Variants in NR2F1-AS1 observed in about 807,000 individuals in gnomAD.
NR2F1-AS1 encodes NR2F1 regulatory antisense RNA 1.
intron 2 of NR2F1-AS1, among the ~76,000 whole-genome samples, chr5:93,558,362 C>T (rs1752411052): frequency 6.6e-6 from 1 of 151,272 alleles, no homozygotes; most frequent in South Asian, 2.1e-4. Flanking sequence ...GCTCTATCGC[C>T]CAGGCTGGAG....
At chr5:93,492,854 A>C (rs1561466692) in intron 4 of NR2F1-AS1, among the ~76,000 whole-genome samples, 3 of 151,982 alleles carry the variant, frequency 2.0e-5, no homozygotes, top group Non-Finnish European at 4.4e-5. Context: ...GATAAAAAAA[A>C]AAAACACTCA....
chr5:93,573,452 CCG>C (rs1471959086), intron 1 of NR2F1-AS1, among the ~76,000 whole-genome samples: 25 of 152,212 alleles, frequency 1.6e-4, no homozygotes, highest in African/African-American at 4.8e-4. Flanking sequence ...CCAGTCACTC[CCG>C]AGGACTTGGG....
At chr5:93,510,922 G>T (rs1054851392) in intron 4 of NR2F1-AS1, among the ~76,000 whole-genome samples, 1 of 152,084 alleles carries the variant, frequency 6.6e-6, no homozygotes, top group Non-Finnish European at 1.5e-5. Flanking sequence ...TAAGGCTTTG[G>T]GTTAAATTAT....
In NR2F1-AS1 at chr5:93,447,415, A is replaced by T. The variant is rs190331586; in HGVS notation, n.639-51873T>A. On this transcript the variant is annotated intron_variant and non_coding_transcript_variant, in intron 4 of 5. Coordinates refer to ENST00000660523, the Ensembl canonical transcript of NR2F1-AS1. The stretch of plus-strand genomic sequence containing the variant: ...CAAAAGATAGGAACAGACACTTCTC[A>T]AAAGAAGACATTTATGCAGCCAACA... 6.6e-4 allele frequency among the ~76,000 whole-genome samples: 101 copies of T among 152,360 alleles called. 1 individual carries two copies. Among genetic ancestry groups the T allele is most frequent in the African/African-American group, 2.3e-3 (97 of 41,584 alleles).
intron 4 of NR2F1-AS1, among the ~76,000 whole-genome samples, chr5:93,424,927 A>G (rs1749163921): frequency 6.6e-6 from 1 of 152,198 alleles, no homozygotes; most frequent in South Asian, 2.1e-4. Flanking sequence ...TTGGTACTAG[A>G]AAGTAGGTCT....
At chr5:93,428,037 A>G (rs1749232398) in intron 4 of NR2F1-AS1, among the ~76,000 whole-genome samples, 1 of 152,178 alleles carries the variant, frequency 6.6e-6, no homozygotes, top group Non-Finnish European at 1.5e-5. Flanking sequence ...ACTATATCAA[A>G]ATGCTAAATA....
At chr5:93,480,071 A>G (rs1185754377) in intron 4 of NR2F1-AS1, among the ~76,000 whole-genome samples, 1 of 152,106 alleles carries the variant, frequency 6.6e-6, no homozygotes, top group Non-Finnish European at 1.5e-5. Flanking sequence ...CATACACATT[A>G]TGGGTTACAG....
rs193064891 is a variant in NR2F1-AS1, at chr5:93,427,525, T to C, written n.639-31983A>G. On this transcript the variant is annotated intron_variant and non_coding_transcript_variant, in intron 4 of 5. Transcript: ENST00000660523. Reference sequence around the variant, plus strand: ...CCCATGATCTTTCACCCCAGCTACATTGTAAACTTCCTGTTACCCAAGATT... The same window carrying C: ...CCCATGATCTTTCACCCCAGCTACACTGTAAACTTCCTGTTACCCAAGATT... Among the ~76,000 whole-genome samples, 290 of 152,292 alleles carry C rather than the reference T, an allele frequency of 1.9e-3. 1 individual carries two copies. The highest frequency in any genetic ancestry group is 2.9e-3 in the Non-Finnish European group (197 of 68,018).
intron 4 of NR2F1-AS1, among the ~76,000 whole-genome samples, chr5:93,530,286 T>C (rs1333515918): frequency 6.6e-6 from 1 of 152,156 alleles, no homozygotes; most frequent in South Asian, 2.1e-4. Context: ...TTCACCATTT[T>C]AGCCAGGAGA....
At chr5:93,535,850 T>C (rs1297128391) in intron 4 of NR2F1-AS1, among the ~76,000 whole-genome samples, 2 of 152,092 alleles carry the variant, frequency 1.3e-5, no homozygotes, top group African/African-American at 2.4e-5. Context: ...AAAGGCCACA[T>C]ATGACAAACC....
intron 4 of NR2F1-AS1, among the ~76,000 whole-genome samples, chr5:93,443,961 G>C (rs1000219860): frequency 6.6e-6 from 1 of 152,140 alleles, no homozygotes; most frequent in Non-Finnish European, 1.5e-5. Context: ...AGTTTCATAA[G>C]TGAAGGAGAA....
intron 4 of NR2F1-AS1, among the ~76,000 whole-genome samples, chr5:93,468,671 T>C (rs1448599674): frequency 6.6e-6 from 1 of 152,258 alleles, no homozygotes; most frequent in Non-Finnish European, 1.5e-5. Context: ...TTTGTCTATT[T>C]TGGCTTTTGT....
chr5:93,533,827 T>C (rs1445008060), intron 4 of NR2F1-AS1, among the ~76,000 whole-genome samples: 1 of 152,188 alleles, frequency 6.6e-6, no homozygotes, highest in Admixed American at 6.6e-5. Context: ...TTAACTTTAC[T>C]GCCTCTCAAA....
Position 93,556,020 on chromosome 5 carries a change from T to TCA in NR2F1-AS1, n.414-1026_414-1025insTG, listed in dbSNP as rs531921706. Among the ~76,000 whole-genome samples the TCA allele has an allele frequency of 5.6e-3, 847 of 152,182 alleles. 7 individuals carry two copies. Among genetic ancestry groups the TCA allele is most frequent in the African/African-American group, 0.019 (786 of 41,510 alleles). ...TAACCCTAAAGAGCCTCACCCAGGA[T>TCA]CCCTTGACAATATAACTGAGCCCAA... On this transcript the variant is annotated intron_variant and non_coding_transcript_variant, in intron 2 of 5. Coordinates refer to ENST00000660523, the Ensembl canonical transcript of NR2F1-AS1.
chr5:93,510,225 ATTTATC>A (rs1751267575), intron 4 of NR2F1-AS1, among the ~76,000 whole-genome samples: 1 of 152,062 alleles, frequency 6.6e-6, no homozygotes, highest in African/African-American at 2.4e-5. Flanking sequence ...TGTGTGTTCT[ATTTATC>A]TAGGTTTCCT....
intron 4 of NR2F1-AS1, among the ~76,000 whole-genome samples, chr5:93,519,602 A>T (rs1751463743): frequency 6.6e-6 from 1 of 152,018 alleles, no homozygotes; most frequent in Non-Finnish European, 1.5e-5. Flanking sequence ...AGTGTATATT[A>T]AATTTTCCAA....
intron 4 of NR2F1-AS1, among the ~76,000 whole-genome samples, chr5:93,471,814 C>T (rs1469774681): frequency 2.0e-5 from 3 of 151,742 alleles, no homozygotes; most frequent in Admixed American, 6.6e-5. Flanking sequence ...AAAGGTTCCC[C>T]GGTTAATAAT....
chr5:93,494,925 G>A (rs1318868348), intron 4 of NR2F1-AS1, among the ~76,000 whole-genome samples: 2 of 152,038 alleles, frequency 1.3e-5, no homozygotes, highest in Non-Finnish European at 2.9e-5. Context: ...TATGCCAAGT[G>A]AAAGAAAGTA....
At chr5:93,569,266 A>G (rs771285698) in intron 1 of NR2F1-AS1, among the ~76,000 whole-genome samples, 13 of 152,206 alleles carry the variant, frequency 8.5e-5, no homozygotes, top group Non-Finnish European at 1.5e-4. Flanking sequence ...CCTTCTTAAA[A>G]GCAATTCGGC....
Sources: gnomAD v4.1 joint callset for allele counts (sites outside exome capture counted in the v4.1 genomes callset) on GRCh38, gnomAD v4.1.1 for gene constraint, MANE v1.5 for transcripts, NCBI Gene and HGNC (gene_info 2026-07-23, HGNC 2026-07-21) for gene names.